TBCK: variants seen among roughly 807,000 people sequenced by gnomAD.
TBCK encodes TBC domain-containing protein kinase-like protein.
In TBCK, 99 loss-of-function variants were observed where a neutral mutation model predicts 113.4. The observed-to-expected ratio is 0.87, with a 90% CI of 0.74 to 1.03. The LOEUF (loss-of-function observed/expected upper bound fraction) is 1.03. Among genes scored for constraint, TBCK ranks in the 50% least tolerant of loss-of-function variants. The pLI is 0.00. For missense variants in TBCK, 1,045 were observed against 1,061.3 expected, an observed-to-expected ratio of 0.98 and a Z score of 0.21; for synonymous variants, 369 against 370.8, an observed-to-expected ratio of 1.00 and a Z score of 0.05.
intron 22 of TBCK, 129 bp from the exon 23 acceptor site, chr4:106,171,399 C>A: frequency 1.6e-6 from 1 of 641,416 alleles, no homozygotes; most frequent in Non-Finnish European, 2.5e-6. Context: ...GAAAAAATGT[C>A]AGTAAAAAAA....
At chr4:106,299,258 CCA>C (rs1229152947) in intron 2 of TBCK, among the ~76,000 whole-genome samples, 1 of 152,178 alleles carries the variant, frequency 6.6e-6, no homozygotes, top group Non-Finnish European at 1.5e-5. Context: ...TCTCATATGA[CCA>C]CAGTCACTGA....
chr4:106,135,385 A>T (rs907346251), intron 23 of TBCK, among the ~76,000 whole-genome samples: 2 of 152,176 alleles, frequency 1.3e-5, no homozygotes, highest in Admixed American at 6.5e-5. Context: ...GCAATATAAC[A>T]GTAACAGAAT....
At chr4:106,273,635 G>C (rs1763729513) in intron 3 of TBCK, among the ~76,000 whole-genome samples, 1 of 152,184 alleles carries the variant, frequency 6.6e-6, no homozygotes, top group Non-Finnish European at 1.5e-5. Context: ...ATAAAAGGGA[G>C]ACACATAGAC....
At position 106,278,222 on chromosome 4, in the gene TBCK, C is replaced by A. The variant is rs924307201; in HGVS notation, c.267-16010G>T. On this transcript the variant is annotated intron_variant, in intron 3 of 25. Transcript: ENST00000394708. ...ACAAAACTAAATGAAGTTTTTCAGGCAGAAAGGACAGGATATCAAACTTGA... is the reference window on the plus strand; with the variant it reads ...ACAAAACTAAATGAAGTTTTTCAGGAAGAAAGGACAGGATATCAAACTTGA... 2.2e-4 allele frequency among the ~76,000 whole-genome samples: 33 copies of A among 152,048 alleles called. No individual in the cohort carries two copies. In the Middle Eastern group the frequency reaches 0.014, roughly 63 times the overall value.
At chr4:106,249,365 A>C (rs934162218) in intron 7 of TBCK, among the ~76,000 whole-genome samples, 5 of 152,150 alleles carry the variant, frequency 3.3e-5, no homozygotes, top group Non-Finnish European at 2.9e-5. Flanking sequence ...GTTTCCAACC[A>C]AACATGGGTT....
chr4:106,068,763 C>A (rs1405552356), intron 25 of TBCK, among the ~76,000 whole-genome samples: 1 of 152,224 alleles, frequency 6.6e-6, no homozygotes, highest in African/African-American at 2.4e-5. Context: ...ACACCCCCAA[C>A]AGTGTAAAAG....
chr4:106,262,241 A>C (rs1283548540), intron 3 of TBCK, 29 bp from the exon 4 acceptor site: 4 of 1,270,678 alleles, frequency 3.1e-6, no homozygotes, highest in Non-Finnish European at 2.2e-6. Flanking sequence ...GTCAAAGATC[A>C]ATTACAAAGC....
chr4:106,290,004 T>C lies in TBCK; in HGVS notation c.266+5090A>G, dbSNP rs140470524. Among the ~76,000 whole-genome samples, 5 of 152,196 alleles carry C rather than the reference T, an allele frequency of 3.3e-5. No individual in the cohort carries two copies. In the East Asian group the frequency reaches 9.7e-4, roughly 29 times the overall value. ...GCATATTTTCATCATACATATTGCATTGTAAATCTTTACACAAATTTAACC... is the reference window on the plus strand; with the variant it reads ...GCATATTTTCATCATACATATTGCACTGTAAATCTTTACACAAATTTAACC... On this transcript the variant is annotated intron_variant, in intron 3 of 25. Coordinates refer to ENST00000394708, the MANE Select transcript of TBCK (RefSeq NM_001163435.3).
rs560918579 is a variant in TBCK, at chr4:106,112,411, A to G, written c.2411+3792T>C. Among the ~76,000 whole-genome samples, 9 of 152,230 alleles carry G rather than the reference A, an allele frequency of 5.9e-5. No individual in the cohort carries two copies. In the East Asian group the frequency reaches 1.2e-3, roughly 20 times the overall value. ...TAAAACAGTTCAATCCCCCATATCT[A>G]ATGCTTTAACAGTGTTTACTGATGG... is the stretch of plus-strand genomic sequence containing the variant. On this transcript the variant is annotated intron_variant, in intron 24 of 25. Transcript: ENST00000394708.
chr4:106,063,006 G>T (rs1736222031), intron 25 of TBCK, among the ~76,000 whole-genome samples: 1 of 151,870 alleles, frequency 6.6e-6, no homozygotes, highest in African/African-American at 2.4e-5. Flanking sequence ...GGACTCAACA[G>T]GAGTTTTTAG....
chr4:106,166,412 C>T (rs1213580815), intron 23 of TBCK, among the ~76,000 whole-genome samples: 1 of 151,524 alleles, frequency 6.6e-6, no homozygotes, highest in Non-Finnish European at 1.5e-5. Context: ...GAGGTAATTC[C>T]TTTTATAGAA....
intron 25 of TBCK, among the ~76,000 whole-genome samples, chr4:106,087,157 A>G (rs1314116620): frequency 6.6e-6 from 1 of 152,240 alleles, no homozygotes. Flanking sequence ...CTGTTTGCAG[A>G]TAACATGATT....
chr4:106,255,212 T>A (rs1421457354), intron 5 of TBCK, among the ~76,000 whole-genome samples: 1 of 152,208 alleles, frequency 6.6e-6, no homozygotes. Context: ...AAGGAACATA[T>A]CACGGGATTT....
At chr4:106,206,401 T>A (rs1348699111) in intron 20 of TBCK, among the ~76,000 whole-genome samples, 3 of 152,192 alleles carry the variant, frequency 2.0e-5, no homozygotes, top group Non-Finnish European at 4.4e-5. Flanking sequence ...TGAAAGGTAA[T>A]CAAGCTTCAC....
intron 18 of TBCK, 61 bp from the exon 19 acceptor site, chr4:106,230,507 T>C (rs1434095234): frequency 2.1e-6 from 2 of 940,936 alleles, no homozygotes; most frequent in African/African-American, 1.7e-5. Context: ...TGACCATCAG[T>C]AATGCATTCA....
At chr4:106,048,087 A>G (rs1040181170) in intron 25 of TBCK, among the ~76,000 whole-genome samples, 2 of 152,158 alleles carry the variant, frequency 1.3e-5, no homozygotes, top group African/African-American at 4.8e-5. Context: ...TCACTCCCAG[A>G]GATTCTGCTT....
At chr4:106,051,480 G>A (rs533873142) in intron 25 of TBCK, among the ~76,000 whole-genome samples, 4 of 151,960 alleles carry the variant, frequency 2.6e-5, no homozygotes, top group African/African-American at 9.6e-5. Flanking sequence ...ACTTTCGGTT[G>A]AGCATGGTAT....
chr4:106,307,671 C>T (rs749946925), intron 2 of TBCK, among the ~76,000 whole-genome samples: 11 of 151,916 alleles, frequency 7.2e-5, no homozygotes, highest in Admixed American at 2.0e-4. Context: ...GATTTTTTTA[C>T]GTCTACAAAT....
Position 106,122,570 on chromosome 4 carries a change from A to C in TBCK, c.2236-6192T>G, listed in dbSNP as rs1197349946. On this transcript the variant is annotated intron_variant, in intron 23 of 25. Transcript: ENST00000394708. ...TACCAAAGCCTGGCAGAGACACAGC[A>C]AAAAAAGCGAATTTTAGACCAACAT... Among the ~76,000 whole-genome samples, 3 of 152,116 alleles carry C rather than the reference A, an allele frequency of 2.0e-5. No homozygotes were observed. The South Asian group carries it at 6.2e-4, about 32-fold the overall frequency.
Sources: gnomAD v4.1 joint callset for allele counts (sites outside exome capture counted in the v4.1 genomes callset) on GRCh38, gnomAD v4.1.1 for gene constraint, MANE v1.5 for transcripts, NCBI Gene and HGNC (gene_info 2026-07-23, HGNC 2026-07-21) for gene names.